Variants in SLC33A1 observed in about 807,000 individuals in gnomAD.
SLC33A1 encodes solute carrier family 33 member 1.
Under a neutral mutation model 50.0 loss-of-function variants are expected in SLC33A1, and 20 were observed. The ratio of observed to expected loss-of-function variants is 0.40; its 90% CI spans 0.28 to 0.58. SLC33A1 has a LOEUF of 0.58. SLC33A1 is among the 20% of genes least tolerant of loss of function. The pLI, the probability that SLC33A1 is intolerant of heterozygous loss-of-function variation, is 0.44. For synonymous variants in SLC33A1, 265 were observed against 251.8 expected (o/e 1.05, Z -0.50); for missense variants, 476 against 657.0 (o/e 0.72, Z 3.01).
chr3:155,848,638 C>T (rs1753275168), intron 1 of SLC33A1, among the ~76,000 whole-genome samples: 1 of 152,098 alleles, frequency 6.6e-6, no homozygotes, highest in Non-Finnish European at 1.5e-5. Context: ...GCAGAGATCG[C>T]ACCACTGCAT....
chr3:155,848,508 C>T (rs1405047821), intron 1 of SLC33A1, among the ~76,000 whole-genome samples: 1 of 152,126 alleles, frequency 6.6e-6, no homozygotes, highest in African/African-American at 2.4e-5. Flanking sequence ...TGGTGCAACC[C>T]TGTCTCTACT....
In SLC33A1 at chr3:155,835,741, AAC is replaced by A. The variant is rs1752627540; in HGVS notation, c.964-1702_964-1701del. Among the ~76,000 whole-genome samples, 1 of 152,132 alleles carries A rather than the reference AAC, an allele frequency of 6.6e-6. No individual in the cohort carries two copies. The highest frequency in any genetic ancestry group is 2.4e-5 in the African/African-American group (1 of 41,410). ...TACCGGTTTTTCATGCCCTATTTAAAACAGACACTGCCTCCCCACTAGCTCAT... is the reference window on the plus strand; with the variant it reads ...TACCGGTTTTTCATGCCCTATTTAAAAGACACTGCCTCCCCACTAGCTCAT... On this transcript the variant is annotated intron_variant, in intron 2 of 5. Coordinates refer to ENST00000643144, the MANE Select transcript of SLC33A1 (RefSeq NM_004733.4).
intron 1 of SLC33A1, among the ~76,000 whole-genome samples, chr3:155,851,542 T>G (rs1320807711): frequency 1.3e-5 from 2 of 152,060 alleles, no homozygotes; most frequent in African/African-American, 4.8e-5. Context: ...TGAGCCACTG[T>G]GCCCAGTCGT....
rs1752083677 is a variant in SLC33A1 at position 155,821,411 on chromosome 3, A to C, written c.*6799T>G. The C allele has an allele frequency of 6.6e-6, 1 of 152,212 alleles. No individual in the cohort carries two copies. Among genetic ancestry groups the C allele is most frequent in the Non-Finnish European group, 1.5e-5 (1 of 68,056 alleles). 9.4% of individuals were successfully genotyped at this position (152,212 alleles called of 1,614,324 possible). On this transcript the variant is annotated 3_prime_UTR_variant, in exon 6 of 6. Coordinates refer to ENST00000643144, the MANE Select transcript of SLC33A1 (RefSeq NM_004733.4). ...AGGCAACATCTGGGGACAACAATAG[A>C]TATAGACTCACCAATATAATTTGAC...
Position 155,829,914 on chromosome 3 carries a change from A to C in SLC33A1, c.1267-11T>G. On this transcript the variant is annotated splice_polypyrimidine_tract_variant and intron_variant, in intron 4 of 5. Coordinates refer to ENST00000643144, the MANE Select transcript of SLC33A1 (RefSeq NM_004733.4). ...GCTGTACACTGTAACCTACGGAAAA[A>C]TGTAAAACATCTTTAGTATGATTAT... The C allele has an allele frequency of 6.6e-7, 1 of 1,525,710 alleles. No individual in the cohort carries two copies. The highest frequency in any genetic ancestry group is 9.1e-7 in the Non-Finnish European group (1 of 1,100,316). 94.5% of individuals were successfully genotyped at this position (1,525,710 alleles called of 1,614,324 possible).
chr3:155,853,679 T>C lies in SLC33A1; in HGVS notation c.319A>G (p.Thr107Ala), dbSNP rs777256284. The C allele has an allele frequency of 3.1e-6, 5 of 1,614,034 alleles. No homozygotes were observed. In the Admixed American group the frequency reaches 8.3e-5, roughly 27 times the overall value. Residue 107 changes from threonine to alanine, a missense_variant, in exon 1 of 6, where the codon ACA becomes GCA. Transcript: ENST00000643144. ...ACAAAACTGAAGAAAGCTTGGTCTG[T>C]ATAGCTAACATTTTTGCTTTGCAAA... ...LILQSKNVSY[T>A]DQAFFSFVFW...
At position 155,827,584 on chromosome 3, in the gene SLC33A1, ATCT is replaced by A. The variant is rs1752239864; in HGVS notation, c.*623_*625del. 6.6e-6 allele frequency: 1 copy of A among 152,222 alleles called. No individual in the cohort carries two copies. The highest frequency in any genetic ancestry group is 1.9e-4 in the East Asian group (1 of 5,206). The allele number at this position is 152,222 out of a possible 1,614,324, so 9.4% of individuals were successfully genotyped here. A position where few individuals can be genotyped will look rare whatever the true frequency, so the allele number is the denominator to read the frequency against. On this transcript the variant is annotated 3_prime_UTR_variant, in exon 6 of 6. Transcript: ENST00000643144. ...AATAGTTTGAATAATTTTCTTATAA[ATCT>A]TTAATGCTTACAAAAGCAGGAAATA...
In SLC33A1 at chr3:155,821,672, G is replaced by T. The variant is rs1404428135; in HGVS notation, c.*6538C>A. The T allele has an allele frequency of 1.3e-5, 2 of 151,898 alleles. No homozygotes were observed. Among genetic ancestry groups the T allele is most frequent in the African/African-American group, 4.8e-5 (2 of 41,280 alleles). 9.4% of individuals were successfully genotyped at this position (151,898 alleles called of 1,614,324 possible). A position where few individuals can be genotyped will look rare whatever the true frequency, so the allele number is the denominator to read the frequency against. Reference sequence around the variant, plus strand: ...GTAGAGATGGGGTTTCTCCATGTGGGTCAGGCCGGTCTTCAACTCCTGACC... The same window carrying T: ...GTAGAGATGGGGTTTCTCCATGTGGTTCAGGCCGGTCTTCAACTCCTGACC... On this transcript the variant is annotated 3_prime_UTR_variant, in exon 6 of 6. Coordinates refer to ENST00000643144, the MANE Select transcript of SLC33A1 (RefSeq NM_004733.4).
intron 4 of SLC33A1, among the ~76,000 whole-genome samples, chr3:155,832,797 C>G (rs1337753050): frequency 6.8e-6 from 1 of 147,082 alleles, no homozygotes; most frequent in Non-Finnish European, 1.5e-5. Flanking sequence ...TCAATACTTT[C>G]AGAAAGAAAA....
intron 5 of SLC33A1, among the ~76,000 whole-genome samples, chr3:155,828,616 G>A (rs1299135661): frequency 3.9e-5 from 6 of 151,936 alleles, no homozygotes; most frequent in Non-Finnish European, 2.9e-5. Flanking sequence ...TTTGAGACAC[G>A]GTCTCACTTG....
chr3:155,829,983 T>A lies in SLC33A1; in HGVS notation c.1267-80A>T. On this transcript the variant is annotated intron_variant, in intron 4 of 5. Coordinates refer to ENST00000643144, the MANE Select transcript of SLC33A1 (RefSeq NM_004733.4). ...GTCTAAATTAAGAACATCAAAGTCA[T>A]AAACCTGAAATTAATTTTCATGGTA... is the stretch of plus-strand genomic sequence containing the variant. 3.3e-6 allele frequency: 3 copies of A among 900,042 alleles called. No individual in the cohort carries two copies. In the South Asian group the frequency reaches 4.3e-5, roughly 13 times the overall value. The allele number at this position is 900,042 out of a possible 1,614,324, so 55.8% of individuals were successfully genotyped here.
chr3:155,833,425 A>G, intron 4 of SLC33A1, 43 bp downstream of exon 4: 1 of 936,102 alleles, frequency 1.1e-6, no homozygotes, highest in South Asian at 1.3e-5. Context: ...TCCTTATTTT[A>G]CACAGAACAG....
rs149522913 is a variant in SLC33A1, at chr3:155,829,681, T to C, written c.1482+7A>G. The C allele has an allele frequency of 7.8e-4, 1,241 of 1,593,736 alleles. 18 individuals carry two copies. The African/African-American group carries it at 0.015, about 19-fold the overall frequency. ...CTTAATGTTATCTAAAATTAAAACATACTTACCTCAACAGCATCAGGTGTT... is the reference window on the plus strand; with the variant it reads ...CTTAATGTTATCTAAAATTAAAACACACTTACCTCAACAGCATCAGGTGTT... On this transcript the variant is annotated splice_region_variant and intron_variant, in intron 5 of 5. Coordinates refer to ENST00000643144, the MANE Select transcript of SLC33A1 (RefSeq NM_004733.4).
chr3:155,851,194 T>C (rs891526198), intron 1 of SLC33A1, among the ~76,000 whole-genome samples: 2 of 151,800 alleles, frequency 1.3e-5, no homozygotes, highest in African/African-American at 4.8e-5. Context: ...TGAGCTGAGG[T>C]CCTGCCACTG....
chr3:155,834,075 G>A (rs370466603), intron 2 of SLC33A1, 34 bp from the exon 3 acceptor site: 44 of 1,570,414 alleles, frequency 2.8e-5, no homozygotes, highest in East Asian at 1.1e-4. Flanking sequence ...ATTTTAATTC[G>A]TGACTTATGA....
intron 1 of SLC33A1, among the ~76,000 whole-genome samples, chr3:155,846,343 C>T (rs1753172764): frequency 6.6e-6 from 1 of 152,164 alleles, no homozygotes; most frequent in Admixed American, 6.5e-5. Flanking sequence ...TACTCAGATA[C>T]ACCCACAGCA....
intron 2 of SLC33A1, among the ~76,000 whole-genome samples, chr3:155,841,709 C>A (rs1165444424): frequency 6.6e-6 from 1 of 151,814 alleles, no homozygotes; most frequent in Non-Finnish European, 1.5e-5. Context: ...AAATTGACTT[C>A]TAATACTCAT....
chr3:155,853,344 C>A lies in SLC33A1; in HGVS notation c.654G>T (p.Ser218=), dbSNP rs780502301. The A allele has an allele frequency of 2.5e-6, 4 of 1,614,094 alleles. No individual in the cohort carries two copies. The highest frequency in any genetic ancestry group is 3.4e-6 in the Non-Finnish European group (4 of 1,180,024). ...ENVGYASTCN[S]VGQTAGYFLG... The stretch of plus-strand genomic sequence containing the variant: ...AAAAGTAACCCGCTGTTTGGCCCAC[C>A]GAATTGCAAGTAGAAGCATAACCCA... The change falls in exon 1 of 6, where the codon TCG becomes TCT. Residue 218 remains serine (S), a synonymous_variant. Transcript: ENST00000643144.
At chr3:155,843,897 T>G (rs1362607391) in intron 1 of SLC33A1, among the ~76,000 whole-genome samples, 1 of 152,226 alleles carries the variant, frequency 6.6e-6, no homozygotes, top group East Asian at 1.9e-4. Flanking sequence ...CTGTCTCAGT[T>G]TCTTCATCTG....
Sources: gnomAD v4.1 joint callset for allele counts (sites outside exome capture counted in the v4.1 genomes callset) on GRCh38, gnomAD v4.1.1 for gene constraint, MANE v1.5 for transcripts, NCBI Gene and HGNC (gene_info 2026-07-23, HGNC 2026-07-21) for gene names.